The following CSMD3 variants were observed in gnomAD, a reference collection of about 807,000 sequenced individuals.
CSMD3 encodes CUB and Sushi multiple domains 3.
Under a neutral mutation model 435.2 loss-of-function variants are expected in CSMD3, and 177 were observed. The observed-to-expected ratio is 0.41, with a 90% CI of 0.36 to 0.46. CSMD3 has a LOEUF of 0.46. CSMD3 is among the 20% of genes least tolerant of loss of function. The pLI is 0.34. For missense variants in CSMD3, 4,265 were observed against 4,504.6 expected (o/e 0.95, Z 1.52); for synonymous variants, 1,656 against 1,520.5 (o/e 1.09, Z -2.07).
intron 32 of CSMD3, among the ~76,000 whole-genome samples, chr8:112,456,164 T>C (rs1439917325): frequency 1.3e-5 from 2 of 151,978 alleles, no homozygotes; most frequent in Non-Finnish European, 2.9e-5. Flanking sequence ...AGAAGAAAAA[T>C]GAGCAGTAGA....
At chr8:112,603,456 G>T (rs2131428517) in intron 22 of CSMD3, among the ~76,000 whole-genome samples, 1 of 152,292 alleles carries the variant, frequency 6.6e-6, no homozygotes, top group South Asian at 2.1e-4. Context: ...AAGTGGCTAA[G>T]AAATTATTAC....
intron 32 of CSMD3, among the ~76,000 whole-genome samples, chr8:112,423,156 A>G (rs1379644241): frequency 6.6e-6 from 1 of 151,956 alleles, no homozygotes; most frequent in South Asian, 2.1e-4. Flanking sequence ...TTTTCTTTTC[A>G]GAAACAGTCT....
chr8:112,400,406 T>C (rs1273787539), intron 35 of CSMD3, among the ~76,000 whole-genome samples: 3 of 152,124 alleles, frequency 2.0e-5, no homozygotes, highest in Non-Finnish European at 4.4e-5. Flanking sequence ...ACATAAAAAA[T>C]TGGGGAAAAC....
intron 38 of CSMD3, among the ~76,000 whole-genome samples, chr8:112,363,000 C>G (rs1345811970): frequency 6.6e-6 from 1 of 151,948 alleles, no homozygotes; most frequent in Non-Finnish European, 1.5e-5. Flanking sequence ...AGACTGTGAA[C>G]AGTCCTGAAA....
rs1229242835 is a variant in CSMD3, at chr8:112,231,644, T to A, written c.10741-12A>T. 6.6e-7 allele frequency: 1 copy of A among 1,511,830 alleles called. No individual in the cohort carries two copies. Among genetic ancestry groups the A allele is most frequent in the Non-Finnish European group, 9.2e-7 (1 of 1,087,162 alleles). 93.7% of individuals were successfully genotyped at this position (1,511,830 alleles called of 1,614,324 possible). On this transcript the variant is annotated splice_polypyrimidine_tract_variant and intron_variant, in intron 68 of 70. Transcript: ENST00000297405. The stretch of plus-strand genomic sequence containing the variant: ...GGCTCAGCAGAAACCTAAAAATATT[T>A]AAACAGCCAAATATACTTGAATACT...
chr8:113,147,029 T>C (rs2091691166), intron 4 of CSMD3, among the ~76,000 whole-genome samples: 1 of 151,708 alleles, frequency 6.6e-6, no homozygotes, highest in Non-Finnish European at 1.5e-5. Context: ...TGTTTAACTA[T>C]GTCATGGAAC....
chr8:112,731,125 T>G (rs111407723), intron 13 of CSMD3, among the ~76,000 whole-genome samples: 2 of 152,188 alleles, frequency 1.3e-5, no homozygotes, highest in African/African-American at 4.8e-5. Flanking sequence ...TTGTGACATA[T>G]GAAGTACACA....
intron 27 of CSMD3, among the ~76,000 whole-genome samples, chr8:112,547,967 T>C (rs1827335664): frequency 6.6e-6 from 1 of 152,136 alleles, no homozygotes; most frequent in Non-Finnish European, 1.5e-5. Context: ...TAGATTTATC[T>C]AGGGAAGAAT....
At chr8:113,306,633 G>C (rs1489395844) in intron 2 of CSMD3, among the ~76,000 whole-genome samples, 6 of 152,134 alleles carry the variant, frequency 3.9e-5, no homozygotes. Context: ...TGAGTATTAG[G>C]AAGTTCTATG....
rs1586965663 is a variant in CSMD3, at chr8:112,685,669, C to A, written c.2219G>T (p.Gly740Val). The A allele has an allele frequency of 6.2e-7, 1 of 1,613,626 alleles. No homozygotes were observed. Among genetic ancestry groups the A allele is most frequent in the Non-Finnish European group, 8.5e-7 (1 of 1,179,638 alleles). The change falls in exon 15 of 71, where the codon GGG becomes GTG. Residue 740 changes from glycine to valine, a missense_variant. By Grantham distance (109) the Gly-to-Val change is moderately radical (BLOSUM62 -3). Transcript: ENST00000297405. ...GTVLSPDYPE[G>V]YGNNLNCIWT... Reference sequence around the variant, plus strand: ...GATGCAATTTAAATTATTTCCATACCCTTCTGGGTAATCAGGAGAAAGAAC... The same window carrying A: ...GATGCAATTTAAATTATTTCCATACACTTCTGGGTAATCAGGAGAAAGAAC...
rs571754024 is a variant in CSMD3 at position 112,603,948 on chromosome 8, T to A, written c.3716-16713A>T. ...AGGTAAGAAGTTAATTTATGAGAAA[T>A]AAAATCTTCATTATGTAAATCTAGT... On this transcript the variant is annotated intron_variant, in intron 22 of 70. Transcript: ENST00000297405. 5.3e-5 allele frequency among the ~76,000 whole-genome samples: 8 copies of A among 152,294 alleles called. No homozygotes were observed. The South Asian group carries it at 1.7e-3, about 32-fold the overall frequency.
chr8:112,600,964 C>T (rs1646128814), intron 22 of CSMD3, among the ~76,000 whole-genome samples: 2 of 151,970 alleles, frequency 1.3e-5, no homozygotes, highest in African/African-American at 4.8e-5. Context: ...CCACCGCGCC[C>T]GGTCCCCACG....
intron 3 of CSMD3, among the ~76,000 whole-genome samples, chr8:113,245,681 T>A (rs939442429): frequency 6.6e-6 from 1 of 152,080 alleles, no homozygotes; most frequent in Non-Finnish European, 1.5e-5. Context: ...TACATTTATT[T>A]ATACTGTATT....
intron 12 of CSMD3, among the ~76,000 whole-genome samples, chr8:112,810,213 G>T (rs919969382): frequency 2.6e-5 from 4 of 152,088 alleles, no homozygotes; most frequent in African/African-American, 4.8e-5. Flanking sequence ...CCAATTATTG[G>T]CAGAGTAAAA....
At chr8:112,665,137 G>A (rs1345028663) in intron 17 of CSMD3, among the ~76,000 whole-genome samples, 1 of 152,126 alleles carries the variant, frequency 6.6e-6, no homozygotes, top group Non-Finnish European at 1.5e-5. Context: ...GCCACCGACT[G>A]ATCAGATCAT....
intron 5 of CSMD3, among the ~76,000 whole-genome samples, chr8:113,070,389 T>C (rs2089056825): frequency 6.6e-6 from 1 of 152,036 alleles, no homozygotes; most frequent in African/African-American, 2.4e-5. Context: ...AGTACATCAA[T>C]AGTGTCTGCC....
At position 112,488,499 on chromosome 8, in the gene CSMD3, T is replaced by C. The variant is rs1054146927; in HGVS notation, c.5278+3990A>G. Among the ~76,000 whole-genome samples, 5 of 152,326 alleles carry C rather than the reference T, an allele frequency of 3.3e-5. No individual in the cohort carries two copies. The East Asian group carries it at 9.7e-4, about 29-fold the overall frequency. ...TAAAGAATAAACAAAGAAAAAGTTT[T>C]GCTTATTTTCACTCCTAGGAATCAC... On this transcript the variant is annotated intron_variant, in intron 31 of 70. Transcript: ENST00000297405.
chr8:113,229,621 G>A (rs1447705371), intron 3 of CSMD3, among the ~76,000 whole-genome samples: 2 of 151,620 alleles, frequency 1.3e-5, no homozygotes, highest in Non-Finnish European at 3.0e-5. Flanking sequence ...CGTGAATTAA[G>A]GAAATAGTAG....
At chr8:112,905,390 G>A (rs2082232915) in intron 10 of CSMD3, among the ~76,000 whole-genome samples, 1 of 150,828 alleles carries the variant, frequency 6.6e-6, no homozygotes, top group Non-Finnish European at 1.5e-5. Flanking sequence ...GGTATTGTTA[G>A]GAGGCAATCC....
Sources: gnomAD v4.1 joint callset for allele counts (sites outside exome capture counted in the v4.1 genomes callset) on GRCh38, gnomAD v4.1.1 for gene constraint, MANE v1.5 for transcripts, NCBI Gene and HGNC (gene_info 2026-07-23, HGNC 2026-07-21) for gene names.